Variants in AGBL4 observed in about 807,000 individuals in gnomAD.
AGBL4 encodes cytosolic carboxypeptidase 6.
In AGBL4, 58 loss-of-function variants were observed where a neutral mutation model predicts 66.4. That is an observed-to-expected ratio of 0.87 (90% CI 0.71 to 1.09). AGBL4 has a LOEUF of 1.09. Among genes scored for constraint, AGBL4 ranks in the 50% least tolerant of loss-of-function variants. The pLI is 0.00. For synonymous variants in AGBL4, 234 were observed against 222.9 expected (o/e 1.05, Z -0.44); for missense variants, 579 against 631.0 (o/e 0.92, Z 0.88).
intron 6 of AGBL4, among the ~76,000 whole-genome samples, chr1:48,853,917 T>A (rs1210772865): frequency 6.6e-6 from 1 of 152,124 alleles, no homozygotes; most frequent in African/African-American, 2.4e-5. Context: ...AGAACCAGCA[T>A]CCTCCCAGCT....
intron 3 of AGBL4, among the ~76,000 whole-genome samples, chr1:49,439,387 C>G (rs1645974882): frequency 6.6e-6 from 1 of 152,182 alleles, no homozygotes. Context: ...TACCAGAAAT[C>G]TGAGCTGTGA....
chr1:49,535,366 A>G (rs1184221425), intron 3 of AGBL4, among the ~76,000 whole-genome samples: 1 of 147,964 alleles, frequency 6.8e-6, no homozygotes, highest in Non-Finnish European at 1.5e-5. Flanking sequence ...TTATATTATT[A>G]TATATTATAA....
intron 5 of AGBL4, among the ~76,000 whole-genome samples, chr1:48,889,202 C>G (rs1284902532): frequency 6.6e-6 from 1 of 152,216 alleles, no homozygotes. Flanking sequence ...ATGCCCTGCC[C>G]CTCCAAGGCA....
At chr1:48,613,021 C>T (rs1388095768) in intron 9 of AGBL4, among the ~76,000 whole-genome samples, 1 of 152,054 alleles carries the variant, frequency 6.6e-6, no homozygotes, top group African/African-American at 2.4e-5. Flanking sequence ...GTAGTCCCAG[C>T]TACTCGGGAG....
chr1:49,881,043 G>A (rs984389234), intron 1 of AGBL4, among the ~76,000 whole-genome samples: 1 of 152,092 alleles, frequency 6.6e-6, no homozygotes, highest in East Asian at 1.9e-4. Context: ...GCACCCACTG[G>A]CCTGCGCCCA....
At chr1:48,899,234 T>C (rs1651852257) in intron 5 of AGBL4, among the ~76,000 whole-genome samples, 1 of 152,186 alleles carries the variant, frequency 6.6e-6, no homozygotes, top group South Asian at 2.1e-4. Context: ...GCCACACCTG[T>C]GCGGGCGAGG....
intron 1 of AGBL4, among the ~76,000 whole-genome samples, chr1:49,968,857 A>C (rs1009857462): frequency 6.6e-6 from 1 of 152,220 alleles, no homozygotes; most frequent in African/African-American, 2.4e-5. Flanking sequence ...CTCATGGCAA[A>C]GTGACACTGT....
At chr1:49,235,248 T>A (rs754459987) in intron 4 of AGBL4, among the ~76,000 whole-genome samples, 1 of 152,216 alleles carries the variant, frequency 6.6e-6, no homozygotes, top group Non-Finnish European at 1.5e-5. Flanking sequence ...TTCTCACTCA[T>A]GTTCTGGCCT....
chr1:48,837,039 T>C (rs1646693252), intron 6 of AGBL4, among the ~76,000 whole-genome samples: 1 of 148,240 alleles, frequency 6.7e-6, no homozygotes, highest in Non-Finnish European at 1.5e-5. Context: ...AGTAATATGA[T>C]AATATATAAT....
intron 6 of AGBL4, among the ~76,000 whole-genome samples, chr1:48,796,683 T>C (rs1380366880): frequency 2.0e-5 from 3 of 152,228 alleles, no homozygotes; most frequent in Non-Finnish European, 4.4e-5. Flanking sequence ...AAGTGGAGCA[T>C]AGACTGTGGT....
chr1:49,108,149 G>C (rs1645334953), intron 4 of AGBL4, among the ~76,000 whole-genome samples: 1 of 152,128 alleles, frequency 6.6e-6, no homozygotes, highest in Non-Finnish European at 1.5e-5. Context: ...GGGGCAGACA[G>C]GCCATTCCAT....
Position 49,002,997 on chromosome 1 carries a change from G to T in AGBL4, c.594+42587C>A, listed in dbSNP as rs557436869. On this transcript the variant is annotated intron_variant, in intron 5 of 13. Coordinates refer to ENST00000371839, the MANE Select transcript of AGBL4 (RefSeq NM_032785.4). ...TCAGGCCCATCATGGACTGAAGCAA[G>T]GTCATTTTCTGAATATTTTTCTGTC... Among the ~76,000 whole-genome samples, 21 of 152,290 alleles carry T rather than the reference G, an allele frequency of 1.4e-4. No individual in the cohort carries two copies. The South Asian group carries it at 2.7e-3, about 20-fold the overall frequency.
chr1:49,875,667 T>C (rs1277867979), intron 1 of AGBL4, among the ~76,000 whole-genome samples: 2 of 146,888 alleles, frequency 1.4e-5, no homozygotes, highest in Non-Finnish European at 3.0e-5. Flanking sequence ...TTTGGGTATA[T>C]ACCCAGTAAT....
chr1:48,773,895 G>A (rs1486561537), intron 6 of AGBL4, among the ~76,000 whole-genome samples: 1 of 152,226 alleles, frequency 6.6e-6, no homozygotes, highest in Non-Finnish European at 1.5e-5. Flanking sequence ...AGACTATCAG[G>A]AAAGAAGGAG....
intron 3 of AGBL4, among the ~76,000 whole-genome samples, chr1:49,662,068 T>C (rs574083189): frequency 9.9e-5 from 15 of 151,690 alleles, no homozygotes; most frequent in Non-Finnish European, 1.9e-4. Context: ...CAAAAAGAAA[T>C]AATAATATAT....
intron 3 of AGBL4, among the ~76,000 whole-genome samples, chr1:49,270,017 CCTCT>C (rs1379151297): frequency 2.0e-5 from 3 of 152,038 alleles, no homozygotes; most frequent in Non-Finnish European, 2.9e-5. Context: ...TAGGCTCCAA[CCTCT>C]CTCTGTGCAA....
chr1:49,908,906 T>A (rs1220025697), intron 1 of AGBL4, among the ~76,000 whole-genome samples: 1 of 152,352 alleles, frequency 6.6e-6, no homozygotes, highest in South Asian at 2.1e-4. Flanking sequence ...TTAAAGGCTA[T>A]ACTCTTTTTA....
intron 2 of AGBL4, among the ~76,000 whole-genome samples, chr1:49,795,810 T>C (rs1309632133): frequency 6.6e-6 from 1 of 151,884 alleles, no homozygotes; most frequent in Non-Finnish European, 1.5e-5. Context: ...TTGATGAGGA[T>C]TACAGAATTA....
At chr1:49,773,383 A>G (rs1187783639) in intron 2 of AGBL4, among the ~76,000 whole-genome samples, 3 of 152,142 alleles carry the variant, frequency 2.0e-5, no homozygotes, top group Non-Finnish European at 2.9e-5. Context: ...GTGACTCTAC[A>G]TATCTGCACA....
Sources: allele counts gnomAD v4.1 joint callset (sites outside exome capture counted in the v4.1 genomes callset), GRCh38; gene constraint gnomAD v4.1.1; transcripts MANE v1.5; gene names NCBI Gene and HGNC (gene_info 2026-07-23, HGNC 2026-07-21).